XPO1: variants seen among roughly 807,000 people sequenced by gnomAD.
The protein encoded by XPO1 is exportin-1.
In XPO1, 5 loss-of-function variants were observed where a neutral mutation model predicts 133.3. The ratio of observed to expected loss-of-function variants is 0.04; its 90% CI spans 0.02 to 0.08. The LOEUF is 0.08. Among genes scored for constraint, XPO1 ranks in the 10% least tolerant of loss-of-function variants. The pLI is 1.00. For synonymous variants in XPO1, 419 were observed against 408.2 expected (o/e 1.03, Z -0.32); for missense variants, 506 against 1,267.5 (o/e 0.40, Z 9.12).
chr2:61,512,788 C>T (rs1698156726), intron 4 of XPO1, among the ~76,000 whole-genome samples: 1 of 152,182 alleles, frequency 6.6e-6, no homozygotes, highest in Non-Finnish European at 1.5e-5. Context: ...CACACATAAT[C>T]CCAGCACTTT....
chr2:61,486,863 C>A (rs565829187), intron 19 of XPO1, among the ~76,000 whole-genome samples: 38 of 152,182 alleles, frequency 2.5e-4, no homozygotes, highest in Non-Finnish European at 3.7e-4. Context: ...TGGACTTGAG[C>A]TGGGGTGATT....
intron 23 of XPO1, among the ~76,000 whole-genome samples, chr2:61,482,034 C>CTTTTTTTTTT (rs1195049382): frequency 2.5e-4 from 18 of 71,362 alleles, no homozygotes; most frequent in East Asian, 1.1e-3. Flanking sequence ...CGTGCGTGGC[C>CTTTTTTTTTT]TTTTTTTTTT....
intron 3 of XPO1, chr2:61,526,185 A>T: frequency 7.6e-7 from 1 of 1,315,044 alleles, no homozygotes; most frequent in Non-Finnish European, 9.7e-7. Flanking sequence ...GAAAAAAACA[A>T]AATCAGACAA....
intron 3 of XPO1, chr2:61,525,881 C>A: frequency 9.6e-7 from 1 of 1,046,164 alleles, no homozygotes; most frequent in Non-Finnish European, 1.2e-6. Context: ...TAAAGAGAAG[C>A]GTGAATCATC....
rs587778764 is a variant in XPO1, at chr2:61,493,980, A to G, written c.1159T>C (p.Ser387Pro). 1 of 1,614,156 alleles carries G rather than the reference A, an allele frequency of 6.2e-7. No homozygotes were observed. Among genetic ancestry groups the G allele is most frequent in the African/African-American group, 1.3e-5 (1 of 75,058 alleles). The change falls in exon 12 of 25, where the codon TCT becomes CCT. Residue 387 changes from serine to proline, a missense_variant. Transcript: ENST00000401558. ...GAAAGCAACGGAGAGGCAGATGTAG[A>G]GAATGGACTCTCTCTATAGAGTTCA... ...AAELYRESPF[S>P]TSASPLLSGS...
intron 17 of XPO1, among the ~76,000 whole-genome samples, 191 bp from the exon 18 acceptor site, chr2:61,488,962 C>CA (rs1350816257): frequency 6.6e-6 from 1 of 151,992 alleles, no homozygotes; most frequent in East Asian, 1.9e-4. Context: ...AATAGCCAGG[C>CA]GTGGTGGCAG....
At chr2:61,535,092 T>G (rs531042502) in intron 1 of XPO1, among the ~76,000 whole-genome samples, 2 of 152,258 alleles carry the variant, frequency 1.3e-5, no homozygotes, top group African/African-American at 4.8e-5. Context: ...CTAGTTCATA[T>G]GCAGTGCTAT....
At chr2:61,498,465 A>T (rs1401114700) in intron 9 of XPO1, among the ~76,000 whole-genome samples, 2 of 152,252 alleles carry the variant, frequency 1.3e-5, no homozygotes, top group African/African-American at 4.8e-5. Context: ...ATGAATTCAT[A>T]AAATTACATG....
intron 4 of XPO1, among the ~76,000 whole-genome samples, chr2:61,520,748 C>A (rs879340354): frequency 8.5e-5 from 13 of 152,208 alleles, no homozygotes; most frequent in Admixed American, 8.5e-4. Context: ...TATTTTCAAC[C>A]TGGAAAACAT....
At position 61,498,922 on chromosome 2, in the gene XPO1, A is replaced by C; in HGVS notation, c.591-9T>G. 6.4e-7 allele frequency: 1 copy of C among 1,573,104 alleles called. No individual in the cohort carries two copies. The highest frequency in any genetic ancestry group is 8.6e-7 in the Non-Finnish European group (1 of 1,162,306). On this transcript the variant is annotated splice_polypyrimidine_tract_variant and intron_variant, in intron 7 of 24. Transcript: ENST00000401558. ...AGAATTCATTGCACATGCTAAAAAA[A>C]AAAACACACAAAAATATCAGATTTA...
rs368015642 is a variant in XPO1 at position 61,478,787 on chromosome 2, T to C, written c.*33A>G. ...CATGCTGTTTTCCTCTGCTAACGAGTTGCAGAGAAAAAAAACAGCATGAAT... is the reference window on the plus strand; with the variant it reads ...CATGCTGTTTTCCTCTGCTAACGAGCTGCAGAGAAAAAAAACAGCATGAAT... On this transcript the variant is annotated 3_prime_UTR_variant, in exon 25 of 25. Coordinates refer to ENST00000401558, the MANE Select transcript of XPO1 (RefSeq NM_003400.4). 9.3e-6 allele frequency: 15 copies of C among 1,607,654 alleles called. No homozygotes were observed. Among genetic ancestry groups the C allele is most frequent in the African/African-American group, 1.3e-5 (1 of 74,772 alleles).
In XPO1 at chr2:61,478,783, C is replaced by CGA. The variant is rs760675694; in HGVS notation, c.*35_*36dup. 2.5e-6 allele frequency: 4 copies of CGA among 1,603,364 alleles called. No individual in the cohort carries two copies. Among genetic ancestry groups the CGA allele is most frequent in the Non-Finnish European group, 3.4e-6 (4 of 1,174,032 alleles). Reference sequence around the variant, plus strand: ...CCCACATGCTGTTTTCCTCTGCTAACGAGTTGCAGAGAAAAAAAACAGCAT... The same window carrying CGA: ...CCCACATGCTGTTTTCCTCTGCTAACGAGAGTTGCAGAGAAAAAAAACAGCAT... On this transcript the variant is annotated 3_prime_UTR_variant, in exon 25 of 25. Transcript: ENST00000401558.
At position 61,489,514 on chromosome 2, in the gene XPO1, C is replaced by T. The variant is rs573103993; in HGVS notation, c.2023-743G>A. 5.9e-5 allele frequency among the ~76,000 whole-genome samples: 9 copies of T among 151,692 alleles called. No individual in the cohort carries two copies. The East Asian group carries it at 1.2e-3, about 20-fold the overall frequency. On this transcript the variant is annotated intron_variant, in intron 17 of 24. Coordinates refer to ENST00000401558, the MANE Select transcript of XPO1 (RefSeq NM_003400.4). ...CCCAAATGGTAAAAACGAACACAAA[C>T]GCCTTTTTGTCTACATCTACTTAAG...
At chr2:61,526,880 G>C (rs1359520958) in intron 2 of XPO1, among the ~76,000 whole-genome samples, 1 of 151,940 alleles carries the variant, frequency 6.6e-6, no homozygotes, top group Non-Finnish European at 1.5e-5. Flanking sequence ...GCTAATTTTT[G>C]TATTTTTAGT....
intron 16 of XPO1, among the ~76,000 whole-genome samples, chr2:61,491,367 G>T (rs542702139): frequency 6.7e-6 from 1 of 148,860 alleles, no homozygotes; most frequent in Non-Finnish European, 1.5e-5. Flanking sequence ...GAAGAGAATC[G>T]TTTGACCCCA....
intron 4 of XPO1, among the ~76,000 whole-genome samples, chr2:61,506,224 C>T (rs1697805265): frequency 6.6e-6 from 1 of 152,130 alleles, no homozygotes; most frequent in Non-Finnish European, 1.5e-5. Context: ...AGTTCCAGAC[C>T]AGCCTGGCCA....
At chr2:61,481,152 C>G (rs750587854) in intron 24 of XPO1, 33 bp downstream of exon 24, 30 of 1,479,264 alleles carry the variant, frequency 2.0e-5, no homozygotes, top group Non-Finnish European at 2.6e-5. Flanking sequence ...ACATCTACCC[C>G]TAATATTTCT....
intron 23 of XPO1, 58 bp from the exon 24 acceptor site, chr2:61,481,339 T>A: frequency 1.5e-5 from 20 of 1,324,316 alleles, no homozygotes; most frequent in Non-Finnish European, 1.9e-5. Context: ...AGACAGAGTA[T>A]TGCTCTGTCA....
At chr2:61,536,923 TA>T (rs1316766892) in intron 1 of XPO1, 1 of 152,234 alleles carries the variant, frequency 6.6e-6, no homozygotes, top group Non-Finnish European at 1.5e-5. Context: ...AGGCCAACAG[TA>T]AATGGTTTAA....
Sources: allele counts gnomAD v4.1 joint callset (sites outside exome capture counted in the v4.1 genomes callset), GRCh38; gene constraint gnomAD v4.1.1; transcripts MANE v1.5; gene names NCBI Gene and HGNC (gene_info 2026-07-23, HGNC 2026-07-21).